Variants in SORCS1 observed in about 807,000 individuals in gnomAD.
SORCS1 encodes sortilin related VPS10 domain containing receptor 1.
In SORCS1, 60 loss-of-function variants were observed where a neutral mutation model predicts 146.1. That is an observed-to-expected ratio of 0.41 (90% CI 0.33 to 0.51). The LOEUF (loss-of-function observed/expected upper bound fraction) is 0.51. Among genes scored for constraint, SORCS1 ranks in the 20% least tolerant of loss-of-function variants. The probability of loss-of-function intolerance (pLI) is 0.21; values close to 1 mark genes in which losing one functional copy is unlikely to be tolerated. For missense variants in SORCS1, 1,352 were observed against 1,487.6 expected (o/e 0.91, Z 1.50); for synonymous variants, 637 against 584.0 (o/e 1.09, Z -1.31).
chr10:106,639,133 G>A (rs1258768837), intron 18 of SORCS1, among the ~76,000 whole-genome samples: 1 of 152,178 alleles, frequency 6.6e-6, no homozygotes, highest in Non-Finnish European at 1.5e-5. Flanking sequence ...CTGAGCGGCT[G>A]AGCAGAGGGT....
intron 1 of SORCS1, among the ~76,000 whole-genome samples, chr10:107,116,775 C>A (rs1966067118): frequency 6.6e-6 from 1 of 152,120 alleles, no homozygotes; most frequent in South Asian, 2.1e-4. Flanking sequence ...ATAATCATTA[C>A]ACAAAGTATA....
intron 3 of SORCS1, among the ~76,000 whole-genome samples, chr10:106,815,710 A>G (rs1386036485): frequency 6.6e-6 from 1 of 152,214 alleles, no homozygotes; most frequent in East Asian, 1.9e-4. Context: ...AAGCCCTCAT[A>G]CAAGTATAAT....
intron 1 of SORCS1, among the ~76,000 whole-genome samples, chr10:107,083,552 T>C (rs2134254800): frequency 6.6e-6 from 1 of 152,322 alleles, no homozygotes; most frequent in Middle Eastern, 3.4e-3. Flanking sequence ...TTTTTTCTTA[T>C]CTTTACAAGG....
intron 5 of SORCS1, among the ~76,000 whole-genome samples, chr10:106,746,537 CTT>C (rs1300450111): frequency 6.6e-6 from 1 of 152,174 alleles, no homozygotes; most frequent in Non-Finnish European, 1.5e-5. Context: ...CTTCAGCTGT[CTT>C]ATATTTATGA....
rs1030490395 is a variant in SORCS1 at position 106,573,675 on chromosome 10, C to G, written c.*3745G>C. On this transcript the variant is annotated 3_prime_UTR_variant, in exon 26 of 26. Transcript: ENST00000263054. ...AACCAGTTTGGACTAATTTTTAAAT[C>G]AAAGTAATTTAATAAACAGACATTG... is the stretch of plus-strand genomic sequence containing the variant. 1 of 152,136 alleles carries G rather than the reference C, an allele frequency of 6.6e-6. No individual in the cohort carries two copies. The highest frequency in any genetic ancestry group is 1.5e-5 in the Non-Finnish European group (1 of 68,006). 9.4% of individuals were successfully genotyped at this position (152,136 alleles called of 1,614,324 possible). A position where few individuals can be genotyped will look rare whatever the true frequency, so the allele number is the denominator to read the frequency against.
At chr10:106,975,730 G>A (rs1955963197) in intron 1 of SORCS1, among the ~76,000 whole-genome samples, 1 of 152,114 alleles carries the variant, frequency 6.6e-6, no homozygotes, top group Non-Finnish European at 1.5e-5. Flanking sequence ...TTTCCTTTCT[G>A]GTTGTGTCTG....
At chr10:106,865,299 G>A (rs534283378) in intron 2 of SORCS1, among the ~76,000 whole-genome samples, 15 of 152,362 alleles carry the variant, frequency 9.8e-5, no homozygotes, top group African/African-American at 3.6e-4. Context: ...AGAGCTCCCA[G>A]AGGGAGGGGC....
intron 1 of SORCS1, among the ~76,000 whole-genome samples, chr10:107,124,511 C>A (rs963628450): frequency 6.6e-6 from 1 of 152,068 alleles, no homozygotes. Context: ...CTCCAAAATG[C>A]TCTTAACTGA....
chr10:106,710,171 G>A (rs917710740), intron 6 of SORCS1, among the ~76,000 whole-genome samples: 2 of 152,130 alleles, frequency 1.3e-5, no homozygotes, highest in African/African-American at 4.8e-5. Context: ...AAACAGAGCC[G>A]GGAGCTGTGG....
At chr10:107,155,172 T>C (rs1008260027) in intron 1 of SORCS1, among the ~76,000 whole-genome samples, 5 of 152,216 alleles carry the variant, frequency 3.3e-5, no homozygotes, top group Non-Finnish European at 7.3e-5. Flanking sequence ...TACATTCCAA[T>C]AGGTCTTCAC....
At chr10:107,001,497 A>C (rs1957220650) in intron 1 of SORCS1, among the ~76,000 whole-genome samples, 1 of 152,170 alleles carries the variant, frequency 6.6e-6, no homozygotes, top group Non-Finnish European at 1.5e-5. Flanking sequence ...AGTAATAGGA[A>C]GGAAGGAAGT....
chr10:106,817,516 T>A (rs1395642146), intron 3 of SORCS1, among the ~76,000 whole-genome samples: 1 of 152,192 alleles, frequency 6.6e-6, no homozygotes, highest in East Asian at 1.9e-4. Flanking sequence ...CACCCACTCC[T>A]GTGATCCAGA....
intron 1 of SORCS1, among the ~76,000 whole-genome samples, chr10:107,161,176 A>T (rs756218894): frequency 5.9e-5 from 9 of 152,194 alleles, no homozygotes; most frequent in Non-Finnish European, 8.8e-5. Flanking sequence ...AGGTGAGTGA[A>T]CCATCCAGAA....
chr10:106,598,832 G>A (rs1846064631), intron 23 of SORCS1, among the ~76,000 whole-genome samples: 2 of 152,034 alleles, frequency 1.3e-5, no homozygotes, highest in South Asian at 2.1e-4. Flanking sequence ...GCCCCTGATT[G>A]GTGACAGAAC....
At chr10:106,838,957 T>A (rs1326468159) in intron 2 of SORCS1, among the ~76,000 whole-genome samples, 1 of 152,192 alleles carries the variant, frequency 6.6e-6, no homozygotes, top group African/African-American at 2.4e-5. Context: ...GATGGCAAAT[T>A]TAATCAATAA....
intron 1 of SORCS1, among the ~76,000 whole-genome samples, chr10:106,985,196 T>C (rs1245758824): frequency 1.3e-5 from 2 of 151,962 alleles, no homozygotes; most frequent in Non-Finnish European, 2.9e-5. Context: ...TCAAAATGAA[T>C]ACATAAATAA....
At chr10:106,651,120 G>T (rs1849826929) in intron 18 of SORCS1, among the ~76,000 whole-genome samples, 1 of 152,130 alleles carries the variant, frequency 6.6e-6, no homozygotes, top group Non-Finnish European at 1.5e-5. Context: ...AGATAATCAG[G>T]AAAGGAGTAT....
chr10:106,991,984 A>G (rs945215889), intron 1 of SORCS1, among the ~76,000 whole-genome samples: 26 of 152,356 alleles, frequency 1.7e-4, no homozygotes, highest in African/African-American at 5.8e-4. Flanking sequence ...TCTGAAAAAG[A>G]CGAAATATTT....
intron 20 of SORCS1, 57 bp from the exon 21 acceptor site, chr10:106,618,329 G>C: frequency 6.3e-7 from 1 of 1,592,448 alleles, no homozygotes; most frequent in Non-Finnish European, 8.5e-7. Flanking sequence ...AGGTGACACA[G>C]CCACTAACTG....
Sources: gnomAD v4.1 joint callset for allele counts (sites outside exome capture counted in the v4.1 genomes callset) on GRCh38, gnomAD v4.1.1 for gene constraint, MANE v1.5 for transcripts, NCBI Gene and HGNC (gene_info 2026-07-23, HGNC 2026-07-21) for gene names.